CCNP: variants seen among roughly 807,000 people sequenced by gnomAD.
CCNP encodes cyclin-P.
A neutral mutation model predicts 19.6 loss-of-function variants in CCNP; 18 were observed. That is an observed-to-expected ratio of 0.92 (90% CI 0.64 to 1.36). The LOEUF (loss-of-function observed/expected upper bound fraction) is 1.36. CCNP is among the 40% of genes most tolerant of loss of function. CCNP has a pLI of 0.00. For missense variants in CCNP, 440 were observed against 424.4 expected (o/e 1.04, Z -0.32); for synonymous variants, 228 against 194.9 (o/e 1.17, Z -1.41).
chr19:40,224,234 C>T (rs1252839369), intron 3 of CCNP, among the ~76,000 whole-genome samples: 1 of 152,172 alleles, frequency 6.6e-6, no homozygotes, highest in Non-Finnish European at 1.5e-5. Context: ...AGATTACAGG[C>T]GTGAGCCACC....
In CCNP at chr19:40,226,562, G is replaced by C. The variant is rs1287732929; in HGVS notation, c.80C>G (p.Pro27Arg). The C allele has an allele frequency of 6.3e-7, 1 of 1,580,062 alleles. No homozygotes were observed. The highest frequency in any genetic ancestry group is 1.2e-5 in the South Asian group (1 of 86,666). ...IVRRWAPRPSPLQSLAASLDA... is the reference protein window; with the variant it reads ...IVRRWAPRPSRLQSLAASLDA... ...GAGGGAGGCAGCGAGACTCTGCAAA[G>C]GAGAGGGCCTGGGGGCCCAGCGCCT... The change falls in exon 1 of 5, where the codon CCT (proline) becomes CGT (arginine). Residue 27 changes from proline (P) to arginine (R), a missense_variant. Coordinates refer to ENST00000430325, the MANE Select transcript of CCNP (RefSeq NM_024877.4).
Position 40,223,566 on chromosome 19 carries a change from G to C in CCNP, c.514-20C>G, listed in dbSNP as rs1973490035. ...GGCGGGCTGCAGATGGGGGATGCGGGGGGAGGTGAAGGAGTCTTGGATCCG... is the reference window on the plus strand; with the variant it reads ...GGCGGGCTGCAGATGGGGGATGCGGCGGGAGGTGAAGGAGTCTTGGATCCG... On this transcript the variant is annotated intron_variant, in intron 3 of 4. Coordinates refer to ENST00000430325, the MANE Select transcript of CCNP (RefSeq NM_024877.4). 1 of 1,598,620 alleles carries C rather than the reference G, an allele frequency of 6.3e-7. No individual in the cohort carries two copies. The highest frequency in any genetic ancestry group is 8.5e-7 in the Non-Finnish European group (1 of 1,169,692).
At position 40,223,461 on chromosome 19, in the gene CCNP, TC is replaced by T; in HGVS notation, c.598del (p.Asp200IlefsTer26). The T allele has an allele frequency of 5.0e-6, 8 of 1,610,750 alleles. No individual in the cohort carries two copies. The highest frequency in any genetic ancestry group is 6.8e-6 in the Non-Finnish European group (8 of 1,178,448). On this transcript the variant is annotated frameshift_variant, in exon 4 of 5. Coordinates refer to ENST00000430325, the MANE Select transcript of CCNP (RefSeq NM_024877.4). LOFTEE classifies it high-confidence loss of function. ...RAERRILSRLDFRLHHPGPLL... is the reference protein window; with the variant it reads ...RAERRILSRLXFRLHHPGPLL... ...CGGGCCGGGGTGGTGCAGCCGGAAATCCAGGCGGCTCAGGATGCGACGCTCG... is the reference window on the plus strand; with the variant it reads ...CGGGCCGGGGTGGTGCAGCCGGAAATCAGGCGGCTCAGGATGCGACGCTCG...
chr19:40,226,563 G>T lies in CCNP; in HGVS notation c.79C>A (p.Pro27Thr). 2 of 1,579,234 alleles carry T rather than the reference G, an allele frequency of 1.3e-6. No homozygotes were observed. The highest frequency in any genetic ancestry group is 1.7e-6 in the Non-Finnish European group (2 of 1,165,064). The change falls in exon 1 of 5, where the codon CCT becomes ACT. Residue 27 changes from proline (P) to threonine (T), a missense_variant. By Grantham distance (38) the Pro-to-Thr change is conservative (BLOSUM62 -1). Coordinates refer to ENST00000430325, the MANE Select transcript of CCNP (RefSeq NM_024877.4). ...IVRRWAPRPS[P>T]LQSLAASLDA... is the part of the protein sequence containing the mutation. ...AGGGAGGCAGCGAGACTCTGCAAAG[G>T]AGAGGGCCTGGGGGCCCAGCGCCTA...
intron 1 of CCNP, among the ~76,000 whole-genome samples, chr19:40,225,301 C>T (rs1280741859): frequency 2.0e-5 from 3 of 152,114 alleles, no homozygotes; most frequent in South Asian, 2.1e-4. Context: ...TCAGGTGATC[C>T]GCCCACCTCA....
At position 40,223,124 on chromosome 19, in the gene CCNP, CCA is replaced by C; in HGVS notation, c.850_851del (p.Trp284GlyfsTer47). On this transcript the variant is annotated frameshift_variant, in exon 5 of 5. Coordinates refer to ENST00000430325, the MANE Select transcript of CCNP (RefSeq NM_024877.4). LOFTEE classifies it low-confidence loss of function (END_TRUNC). ...YRCSLGGGSV[W>X]GHRSFRDLPS... ...GTAAGTCCCTGAAGCTGCGGTGACC[CCA>C]TACACTTCCTCCGCCAAGACTACAC... is the stretch of plus-strand genomic sequence containing the variant. The C allele has an allele frequency of 6.4e-7, 1 of 1,551,404 alleles. No homozygotes were observed. Among genetic ancestry groups the C allele is most frequent in the East Asian group, 2.4e-5 (1 of 40,900 alleles).
In CCNP at chr19:40,224,638, G is replaced by A. The variant is rs1290417058; in HGVS notation, c.363C>T (p.Tyr121=). The A allele has an allele frequency of 2.5e-6, 4 of 1,614,108 alleles. No individual in the cohort carries two copies. The highest frequency in any genetic ancestry group is 1.3e-5 in the African/African-American group (1 of 74,936). ...AAAGTGTGTCACCAGCCAGACCCAG[G>A]TACTCCTGAGGAGGGGCAAGGGTGA... is the stretch of plus-strand genomic sequence containing the variant. The part of the protein sequence containing the change: ...VVDWLVQVHE[Y]LGLAGDTLYL... Residue 121 remains tyrosine, a synonymous_variant, in exon 3 of 5, where the codon TAC becomes TAT. Coordinates refer to ENST00000430325, the MANE Select transcript of CCNP (RefSeq NM_024877.4).
At chr19:40,225,441 C>T (rs1973526220) in intron 1 of CCNP, among the ~76,000 whole-genome samples, 1 of 152,140 alleles carries the variant, frequency 6.6e-6, no homozygotes, top group Non-Finnish European at 1.5e-5. Context: ...AAGATCTGAC[C>T]AAGGAACTCC....
intron 3 of CCNP, among the ~76,000 whole-genome samples, chr19:40,224,147 G>A (rs1341321392): frequency 6.6e-6 from 1 of 152,018 alleles, no homozygotes; most frequent in African/African-American, 2.4e-5. Flanking sequence ...TAGAGACAGG[G>A]TTTCACCATG....
rs1455431273 is a variant in CCNP at position 40,223,182 on chromosome 19, G to A, written c.794C>T (p.Ala265Val). The change falls in exon 5 of 5, where the codon GCG becomes GTG. Residue 265 changes from alanine to valine, a missense_variant. Ala to Val is a moderately conservative substitution (Grantham distance 64). Transcript: ENST00000430325. ...LSLAHRLLDG[A>V]GSRLQPELYR... ...AAGTTCTGGCTGGAGCCTGGAGCCC[G>A]CCCCGTCGAGCAAGCGGTGCGCCAG... The A allele has an allele frequency of 6.4e-7, 1 of 1,551,130 alleles. No homozygotes were observed. Among genetic ancestry groups the A allele is most frequent in the Admixed American group, 2.0e-5 (1 of 50,988 alleles).
At position 40,224,794 on chromosome 19, in the gene CCNP, G is replaced by A. The variant is rs1243468992; in HGVS notation, c.285C>T (p.Pro95=). Residue 95 remains proline, a synonymous_variant, in exon 2 of 5, where the codon CCC becomes CCT. Coordinates refer to ENST00000430325, the MANE Select transcript of CCNP (RefSeq NM_024877.4). ...TCACAGCGCGGGGCAGGGCTCTCAG[G>A]GGCAGCACGCGGCACACCTGGGGTT... is the stretch of plus-strand genomic sequence containing the variant. ...FAEVMVCRVL[P]LRALPRAVTP... is the part of the protein sequence containing the mutation. 3 of 1,553,630 alleles carry A rather than the reference G, an allele frequency of 1.9e-6. No individual in the cohort carries two copies. Among genetic ancestry groups the A allele is most frequent in the East Asian group, 2.4e-5 (1 of 40,928 alleles).
chr19:40,224,865 C>T (rs949359819), intron 1 of CCNP, 54 bp from the exon 2 acceptor site: 6 of 1,465,216 alleles, frequency 4.1e-6, no homozygotes, highest in Admixed American at 2.1e-5. Flanking sequence ...CTGCCTTTCT[C>T]CTGAGCTCCA....
At position 40,222,818 on chromosome 19, in the gene CCNP, G is replaced by A; in HGVS notation, c.*234C>T. ...CTGCCACCTGGTAGCATGGTTAGCG[G>A]CCCTAGCAGCTAAAGGAACACCCCA... On this transcript the variant is annotated 3_prime_UTR_variant, in exon 5 of 5. Coordinates refer to ENST00000430325, the MANE Select transcript of CCNP (RefSeq NM_024877.4). The A allele has an allele frequency of 2.2e-6, 1 of 458,852 alleles. No individual in the cohort carries two copies. The highest frequency in any genetic ancestry group is 3.8e-6 in the Non-Finnish European group (1 of 261,328). The allele number at this position is 458,852 out of a possible 1,614,324, so 28.4% of individuals were successfully genotyped here.
rs373547599 is a variant in CCNP, at chr19:40,223,423, C to T, written c.637G>A (p.Gly213Arg). The change falls in exon 4 of 5, where the codon GGG (glycine) becomes AGG (arginine). Residue 213 changes from glycine to arginine, a missense_variant. Physicochemically the swap from Gly to Arg is moderately radical, Grantham distance 125. Transcript: ENST00000430325. ...CTCCCTGCCAGCGCGGCCAGCAGCC[C>T]GAGGCACAGCAGCGGGCCGGGGTGG... ...LHHPGPLLCLGLLAALAGSSP... is the reference protein window; with the variant it reads ...LHHPGPLLCLRLLAALAGSSP... 6.9e-4 allele frequency: 1,102 copies of T among 1,596,272 alleles called. 14 individuals are homozygous for T. The East Asian group carries it at 0.021, about 31-fold the overall frequency.
chr19:40,226,332 G>A (rs772194725), intron 1 of CCNP, 43 bp downstream of exon 1: 1 of 1,565,316 alleles, frequency 6.4e-7, no homozygotes, highest in Non-Finnish European at 8.7e-7. Context: ...CCGGGCGGTG[G>A]GCCGGCGTCG....
rs369761473 is a variant in CCNP, at chr19:40,223,559, G to A, written c.514-13C>T. ...AGAGGAAGGCGGGCTGCAGATGGGG[G>A]ATGCGGGGGGAGGTGAAGGAGTCTT... On this transcript the variant is annotated splice_polypyrimidine_tract_variant and intron_variant, in intron 3 of 4. Transcript: ENST00000430325. 1.3e-6 allele frequency: 2 copies of A among 1,598,062 alleles called. No homozygotes were observed. Among genetic ancestry groups the A allele is most frequent in the East Asian group, 2.2e-5 (1 of 44,512 alleles).
Position 40,226,415 on chromosome 19 carries a change from C to G in CCNP, c.227G>C (p.Gly76Ala). Reference protein sequence around the residue: ...EEALSALGLQGEREYAGDIFA... With the variant: ...EEALSALGLQAEREYAGDIFA... ...GATGTCCCCGGCGTACTCGCGTTCT[C>G]CCTGCAGCCCCAGCGCGCTCAGCGC... The change falls in exon 1 of 5, where the codon GGA becomes GCA. Residue 76 changes from glycine to alanine, a missense_variant. Coordinates refer to ENST00000430325, the MANE Select transcript of CCNP (RefSeq NM_024877.4). The G allele has an allele frequency of 1.2e-6, 2 of 1,608,302 alleles. No individual in the cohort carries two copies. The highest frequency in any genetic ancestry group is 1.7e-6 in the Non-Finnish European group (2 of 1,179,722).
chr19:40,222,508 A>C lies in CCNP; in HGVS notation c.*544T>G. 2.5e-6 allele frequency: 1 copy of C among 398,790 alleles called. No individual in the cohort carries two copies. The highest frequency in any genetic ancestry group is 4.4e-6 in the Non-Finnish European group (1 of 226,154). The allele number at this position is 398,790 out of a possible 1,614,324, so 24.7% of individuals were successfully genotyped here. A position where few individuals can be genotyped will look rare whatever the true frequency, so the allele number is the denominator to read the frequency against. ...GAGATGGAGAAACTGAGGCAGGGCA[A>C]GTGGTTGGAGATGACCCATCCTTGG... is the stretch of plus-strand genomic sequence containing the variant. On this transcript the variant is annotated 3_prime_UTR_variant, in exon 5 of 5. Transcript: ENST00000430325.
rs1231199269 is a variant in CCNP, at chr19:40,224,772, C to T, written c.307G>A (p.Val103Met). The change falls in exon 2 of 5, where the codon GTG becomes ATG. Residue 103 changes from valine (V) to methionine (M), a missense_variant. Physicochemically the swap from Val to Met is conservative, Grantham distance 21 (BLOSUM62 1). Transcript: ENST00000430325. ...ACCAGGGCGCGCATCTCCGGGGTCA[C>T]AGCGCGGGGCAGGGCTCTCAGGGGC... ...VLPLRALPRAVTPEMRALVVD... is the reference protein window; with the variant it reads ...VLPLRALPRAMTPEMRALVVD... 1 of 1,557,478 alleles carries T rather than the reference C, an allele frequency of 6.4e-7. No individual in the cohort carries two copies. Among genetic ancestry groups the T allele is most frequent in the Non-Finnish European group, 8.7e-7 (1 of 1,150,392 alleles).
Sources: allele counts gnomAD v4.1 joint callset (sites outside exome capture counted in the v4.1 genomes callset), GRCh38; gene constraint gnomAD v4.1.1; transcripts MANE v1.5; gene names NCBI Gene and HGNC (gene_info 2026-07-23, HGNC 2026-07-21).